KNG1: variants seen among roughly 807,000 people sequenced by gnomAD.
KNG1 encodes kininogen 1.
KNG1 carries 23 observed loss-of-function variants against 47.8 expected under a neutral mutation model. The ratio of observed to expected loss-of-function variants is 0.48; its 90% CI spans 0.35 to 0.68. The LOEUF (loss-of-function observed/expected upper bound fraction) is 0.68. KNG1 is among the 30% of genes least tolerant of loss of function. The pLI is 0.01. For missense variants in KNG1, 762 were observed against 790.2 expected (o/e 0.96, Z 0.43); for synonymous variants, 277 against 277.0 (o/e 1.00, Z 0.00).
At chr3:186,724,149 A>G (rs1169142462) in intron 3 of KNG1, among the ~76,000 whole-genome samples, 3 of 152,062 alleles carry the variant, frequency 2.0e-5, no homozygotes, top group Non-Finnish European at 4.4e-5. Flanking sequence ...TTTTTGAGGA[A>G]TCTCCGCACT....
chr3:186,729,333 A>G (rs956320758), intron 5 of KNG1, among the ~76,000 whole-genome samples: 1 of 152,246 alleles, frequency 6.6e-6, no homozygotes, highest in Non-Finnish European at 1.5e-5. Context: ...GTATATGCCC[A>G]AAAGAACTGG....
chr3:186,722,630 A>G, intron 3 of KNG1, 109 bp downstream of exon 3: 1 of 889,846 alleles, frequency 1.1e-6, no homozygotes. Context: ...TGGCAGTAGT[A>G]AAGCCATTTG....
At chr3:186,733,456 C>T (rs1579125041) in intron 7 of KNG1, among the ~76,000 whole-genome samples, 2 of 152,088 alleles carry the variant, frequency 1.3e-5, no homozygotes, top group Admixed American at 1.3e-4. Context: ...CTACTGTTCT[C>T]TCTGCCTGGG....
intron 1 of KNG1, chr3:186,717,971 C>G: frequency 4.5e-6 from 2 of 445,554 alleles, no homozygotes; most frequent in Non-Finnish European, 8.0e-6. Flanking sequence ...CACCCACCAC[C>G]CACCACCACC....
Position 186,720,162 on chromosome 3 carries a change from G to A in KNG1, c.253G>A (p.Val85Ile). Residue 85 changes from valine (V) to isoleucine (I), a missense_variant, in exon 2 of 10, where the codon GTT becomes ATT. By Grantham distance (29) the Val-to-Ile change is conservative. Transcript: ENST00000644859. ...CGAAATCAAGGAGGGGGATTGTCCT[G>A]TTCAAAGTGGCAAAACCTGGCAGGA... ...KYEIKEGDCP[V>I]QSGKTWQDCE... is the part of the protein sequence containing the mutation. 6.2e-7 allele frequency: 1 copy of A among 1,614,044 alleles called. No homozygotes were observed. Among genetic ancestry groups the A allele is most frequent in the Non-Finnish European group, 8.5e-7 (1 of 1,179,968 alleles).
In KNG1 at chr3:186,730,672, AAAAAAAAAAAAATATATATATATATAT is replaced by A. The variant is rs1457429955; in HGVS notation, c.673-871_673-845del. 5.5e-3 allele frequency among the ~76,000 whole-genome samples: 117 copies of A among 21,308 alleles called. 1 individual carries two copies. Among genetic ancestry groups the A allele is most frequent in the South Asian group, 6.6e-3 (3 of 452 alleles). The allele number at this position is 21,308 out of a possible 152,430, so 14.0% of individuals were successfully genotyped here. On this transcript the variant is annotated intron_variant, in intron 5 of 9. Coordinates refer to ENST00000644859, the MANE Select transcript of KNG1 (RefSeq NM_001102416.3). Reference sequence around the variant, plus strand: ...CTCCATCACAAAAAAAAAAAAAAAAAAAAAAAAAAAAATATATATATATATATATATATATATATATATACACACACA... The same window carrying A: ...CTCCATCACAAAAAAAAAAAAAAAAAATATATATATATATATACACACACA...
At chr3:186,721,216 T>G (rs1446928922) in intron 2 of KNG1, 1 of 152,220 alleles carries the variant, frequency 6.6e-6, no homozygotes, top group Non-Finnish European at 1.5e-5. Context: ...TCATCTGCCA[T>G]TACCAAAGAG....
In KNG1 at chr3:186,742,178, C is replaced by T. The variant is rs1396510649; in HGVS notation, c.1782C>T (p.Asp594=). The T allele has an allele frequency of 1.9e-6, 3 of 1,614,144 alleles. No homozygotes were observed. Among genetic ancestry groups the T allele is most frequent in the Non-Finnish European group, 2.5e-6 (3 of 1,180,006 alleles). The change falls in exon 10 of 10, where the codon GAC becomes GAT. Residue 594 remains aspartate (D), a synonymous_variant. Transcript: ENST00000644859. Reference sequence around the variant, plus strand: ...ATTGGATCCCTGATATCCAGATAGACCCAAATGGCCTTTCATTTAACCCAA... The same window carrying T: ...ATTGGATCCCTGATATCCAGATAGATCCAAATGGCCTTTCATTTAACCCAA... ...DDDWIPDIQI[D]PNGLSFNPIS... is the part of the protein sequence containing the mutation.
intron 1 of KNG1, among the ~76,000 whole-genome samples, chr3:186,719,171 C>T (rs1367368570): frequency 6.6e-6 from 1 of 151,892 alleles, no homozygotes; most frequent in African/African-American, 2.4e-5. Flanking sequence ...TGGTGTGGTA[C>T]CCAATAGATT....
chr3:186,720,034 C>T, intron 1 of KNG1, 71 bp from the exon 2 acceptor site: 1 of 925,368 alleles, frequency 1.1e-6, no homozygotes, highest in Non-Finnish European at 1.8e-6. Flanking sequence ...CCTAACTTTA[C>T]CGGAACCCAC....
At chr3:186,719,427 G>A (rs1334020818) in intron 1 of KNG1, among the ~76,000 whole-genome samples, 1 of 152,136 alleles carries the variant, frequency 6.6e-6, no homozygotes, top group Non-Finnish European at 1.5e-5. Context: ...ACGTTCATTA[G>A]GGGAAAAAGA....
At chr3:186,725,630 C>T (rs113071683) in intron 4 of KNG1, among the ~76,000 whole-genome samples, 1,926 of 143,196 alleles carry the variant, frequency 0.013, 49 homozygotes, top group African/African-American at 0.048. Context: ...CTGCAAGCTC[C>T]GCCTCCTGGG....
chr3:186,717,487 G>A lies in KNG1; in HGVS notation c.-56G>A, dbSNP rs570366004. 7.9e-6 allele frequency: 10 copies of A among 1,267,740 alleles called. No homozygotes were observed. In the African/African-American group the frequency reaches 1.5e-4, roughly 19 times the overall value. The allele number at this position is 1,267,740 out of a possible 1,614,324, so 78.5% of individuals were successfully genotyped here. Reference sequence around the variant, plus strand: ...GATTGTCAAATTCAGTATCCCAGTTGGCTCTTGATTCTTGGTGAAACCATC... The same window carrying A: ...GATTGTCAAATTCAGTATCCCAGTTAGCTCTTGATTCTTGGTGAAACCATC... On this transcript the variant is annotated 5_prime_UTR_variant, in exon 1 of 10. Transcript: ENST00000644859.
chr3:186,734,006 T>A (rs1005353389), intron 7 of KNG1, among the ~76,000 whole-genome samples: 2 of 152,146 alleles, frequency 1.3e-5, no homozygotes, highest in African/African-American at 4.8e-5. Context: ...GCAACTCCAA[T>A]AGTCTCTGAC....
intron 3 of KNG1, among the ~76,000 whole-genome samples, chr3:186,723,736 C>T (rs758783770): frequency 6.6e-6 from 1 of 150,746 alleles, no homozygotes; most frequent in Non-Finnish European, 1.5e-5. Flanking sequence ...CTCACTGCAA[C>T]CTCCCGGGTT....
At chr3:186,720,784 CT>C (rs1167537831) in intron 2 of KNG1, among the ~76,000 whole-genome samples, 175 of 89,746 alleles carry the variant, frequency 1.9e-3, no homozygotes, top group South Asian at 0.019. Flanking sequence ...TGTTGTTTTG[CT>C]TTTTTTTTTT....
chr3:186,741,416 T>TC, intron 9 of KNG1, 106 bp from the exon 10 acceptor site: 3 of 984,774 alleles, frequency 3.0e-6, no homozygotes, highest in Non-Finnish European at 4.5e-6. Flanking sequence ...GGCAAACACC[T>TC]CCCCCATTGT....
chr3:186,743,891 G>C lies in KNG1; in HGVS notation c.*1560G>C. The C allele has an allele frequency of 7.3e-6, 6 of 820,394 alleles. No homozygotes were observed. Among genetic ancestry groups the C allele is most frequent in the Non-Finnish European group, 1.3e-5 (6 of 472,786 alleles). The allele number at this position is 820,394 out of a possible 1,614,324, so 50.8% of individuals were successfully genotyped here. A position where few individuals can be genotyped will look rare whatever the true frequency, so the allele number is the denominator to read the frequency against. ...GATGGGATAGAATTTAAATAGAGAA[G>C]AATGCCATTTTATCACTCTGCCTCT... On this transcript the variant is annotated 3_prime_UTR_variant, in exon 10 of 10. Coordinates refer to ENST00000644859, the MANE Select transcript of KNG1 (RefSeq NM_001102416.3).
rs562634838 is a variant in KNG1 at position 186,725,652 on chromosome 3, C to T, written c.564+392C>T. Among the ~76,000 whole-genome samples, 243 of 149,154 alleles carry T rather than the reference C, an allele frequency of 1.6e-3. 1 individual carries two copies. The highest frequency in any genetic ancestry group is 5.5e-3 in the African/African-American group (224 of 40,390). ...CTCCGCCTCCTGGGTTCAGGCCATT[C>T]TCCTGCCTCAGCCTCCTGAGTAGCT... is the stretch of plus-strand genomic sequence containing the variant. On this transcript the variant is annotated intron_variant, in intron 4 of 9. Coordinates refer to ENST00000644859, the MANE Select transcript of KNG1 (RefSeq NM_001102416.3).
Sources: allele counts gnomAD v4.1 joint callset (sites outside exome capture counted in the v4.1 genomes callset), GRCh38; gene constraint gnomAD v4.1.1; transcripts MANE v1.5; gene names NCBI Gene and HGNC (gene_info 2026-07-23, HGNC 2026-07-21).